NRXN3: variants seen among roughly 807,000 people sequenced by gnomAD.
NRXN3 encodes the protein neurexin III.
A neutral mutation model predicts 137.6 loss-of-function variants in NRXN3; 32 were observed. The ratio of observed to expected loss-of-function variants is 0.23; its 90% CI spans 0.18 to 0.31. NRXN3 has a LOEUF of 0.31. NRXN3 is among the 10% of genes least tolerant of loss of function. NRXN3 has a pLI of 1.00. For synonymous variants in NRXN3, 798 were observed against 784.5 expected, an observed-to-expected ratio of 1.02 and a Z score of -0.29; for missense variants, 1,574 against 2,062.5, an observed-to-expected ratio of 0.76 and a Z score of 4.59.
chr14:79,589,198 T>A (rs1212396141), intron 16 of NRXN3, among the ~76,000 whole-genome samples: 1 of 152,156 alleles, frequency 6.6e-6, no homozygotes. Flanking sequence ...GAGGCTACAG[T>A]GAGCTGTGAT....
chr14:78,465,976 C>T (rs1455130771), intron 4 of NRXN3, among the ~76,000 whole-genome samples: 3 of 151,842 alleles, frequency 2.0e-5, no homozygotes, highest in African/African-American at 4.8e-5. Context: ...CTCAGCCTCC[C>T]GAGTAGCTGG....
In NRXN3 at chr14:79,147,926, A is replaced by G. The variant is rs913554064; in HGVS notation, c.3262+159785A>G. Among the ~76,000 whole-genome samples, 5 of 152,200 alleles carry G rather than the reference A, an allele frequency of 3.3e-5. No individual in the cohort carries two copies. The South Asian group carries it at 1.0e-3, about 32-fold the overall frequency. On this transcript the variant is annotated intron_variant, in intron 15 of 20. Transcript: ENST00000335750. The stretch of plus-strand genomic sequence containing the variant: ...CTCTTGCCACTGCGCTGAAAATGGG[A>G]AAAGTAGGTGGATGGGGAGGTCTTT...
In NRXN3 at chr14:78,363,019, A is replaced by T. The variant is rs567160197; in HGVS notation, c.757+65159A>T. On this transcript the variant is annotated intron_variant, in intron 4 of 20. Coordinates refer to ENST00000335750, the MANE Select transcript of NRXN3 (RefSeq NM_001330195.2). ...TCCTCTTTGTTGATAAAGAAGTAAG[A>T]TCCTATTGTCAATCTGCCAGGCCTC... is the stretch of plus-strand genomic sequence containing the variant. Among the ~76,000 whole-genome samples, 31 of 152,222 alleles carry T rather than the reference A, an allele frequency of 2.0e-4. No individual in the cohort carries two copies. The South Asian group carries it at 6.4e-3, about 32-fold the overall frequency.
At position 79,185,263 on chromosome 14, in the gene NRXN3, G is replaced by A. The variant is rs188177945; in HGVS notation, c.3262+197122G>A. On this transcript the variant is annotated intron_variant, in intron 15 of 20. Transcript: ENST00000335750. ...ATGAAGGGAAGTCACTCCACGCTCT[G>A]AGTTGTCTTCTCTCATCTTCTTCAT... 1.9e-3 allele frequency among the ~76,000 whole-genome samples: 293 copies of A among 152,230 alleles called. 1 individual carries two copies. The highest frequency in any genetic ancestry group is 6.9e-3 in the African/African-American group (285 of 41,528).
intron 10 of NRXN3, among the ~76,000 whole-genome samples, chr14:78,821,966 A>T (rs2098952092): frequency 6.6e-6 from 1 of 152,194 alleles, no homozygotes; most frequent in African/African-American, 2.4e-5. Flanking sequence ...GTACTCAGGT[A>T]CTTATCCATG....
Position 79,792,885 on chromosome 14 carries a change from AT to A in NRXN3, c.4015-12218del, listed in dbSNP as rs567938667. 3.3e-3 allele frequency among the ~76,000 whole-genome samples: 507 copies of A among 151,846 alleles called. 2 individuals carry two copies. The highest frequency in any genetic ancestry group is 0.012 in the African/African-American group (489 of 41,434). On this transcript the variant is annotated intron_variant, in intron 19 of 20. Coordinates refer to ENST00000335750, the MANE Select transcript of NRXN3 (RefSeq NM_001330195.2). ...CTTCTGTGTATAAAAAGGTGTTGTA[AT>A]TTTTTTTTCCAGAAAATTATATGGT...
At chr14:79,099,240 TGA>T (rs945251139) in intron 15 of NRXN3, among the ~76,000 whole-genome samples, 5 of 152,190 alleles carry the variant, frequency 3.3e-5, no homozygotes, top group African/African-American at 1.2e-4. Flanking sequence ...GCTATTTTTT[TGA>T]GATATTTTTT....
At chr14:79,195,166 C>G (rs8011043) in intron 15 of NRXN3, among the ~76,000 whole-genome samples, 1 of 151,982 alleles carries the variant, frequency 6.6e-6, no homozygotes, top group Non-Finnish European at 1.5e-5. Flanking sequence ...GACCCCATGA[C>G]AAGATGCTCC....
chr14:79,407,743 C>T (rs2095341784), intron 15 of NRXN3, among the ~76,000 whole-genome samples: 1 of 152,158 alleles, frequency 6.6e-6, no homozygotes, highest in Non-Finnish European at 1.5e-5. Context: ...TTGGTGAGTA[C>T]TGTCACTTTC....
intron 15 of NRXN3, among the ~76,000 whole-genome samples, chr14:79,332,185 C>T (rs1029228220): frequency 6.6e-6 from 1 of 152,142 alleles, no homozygotes; most frequent in African/African-American, 2.4e-5. Context: ...AATTAAAATG[C>T]CGTTACTTGT....
At chr14:79,577,098 G>T (rs1388046890) in intron 16 of NRXN3, among the ~76,000 whole-genome samples, 5 of 152,042 alleles carry the variant, frequency 3.3e-5, no homozygotes, top group Admixed American at 3.3e-4. Context: ...TTTTATAAAT[G>T]GGGGTTCCCC....
At chr14:79,424,997 C>T (rs1220545774) in intron 15 of NRXN3, among the ~76,000 whole-genome samples, 2 of 152,114 alleles carry the variant, frequency 1.3e-5, no homozygotes, top group African/African-American at 2.4e-5. Flanking sequence ...ATATAGCTTT[C>T]ATGGGAAAAT....
chr14:79,359,217 T>C (rs1191108668), intron 15 of NRXN3, among the ~76,000 whole-genome samples: 1 of 152,220 alleles, frequency 6.6e-6, no homozygotes. Context: ...TAAGTTCTGA[T>C]TGCTTTATAA....
chr14:79,206,413 C>A (rs1043215021), intron 15 of NRXN3, among the ~76,000 whole-genome samples: 3 of 152,178 alleles, frequency 2.0e-5, no homozygotes, highest in Admixed American at 2.0e-4. Context: ...TCTATGTCTG[C>A]CTGTGCCACT....
chr14:78,732,854 A>T (rs2098522933), intron 8 of NRXN3, among the ~76,000 whole-genome samples: 1 of 152,178 alleles, frequency 6.6e-6, no homozygotes, highest in Admixed American at 6.5e-5. Flanking sequence ...GGTTAGTGGG[A>T]TAAGGTTCTC....
chr14:79,061,830 A>T (rs2099674680), intron 15 of NRXN3, among the ~76,000 whole-genome samples: 1 of 152,150 alleles, frequency 6.6e-6, no homozygotes, highest in Admixed American at 6.5e-5. Context: ...CCCATCCCTT[A>T]TGTCGGTGGA....
At chr14:78,587,062 A>T in intron 4 of NRXN3, among the ~76,000 whole-genome samples, 1 of 152,202 alleles carries the variant, frequency 6.6e-6, no homozygotes, top group Admixed American at 6.5e-5. Context: ...GCTTCTCTAA[A>T]GATTCTGTGT....
intron 4 of NRXN3, among the ~76,000 whole-genome samples, chr14:78,477,704 G>A (rs898162806): frequency 1.3e-5 from 2 of 152,096 alleles, no homozygotes; most frequent in African/African-American, 4.8e-5. Flanking sequence ...TGATAAAAAT[G>A]TTTGAATATA....
In NRXN3 at chr14:79,358,663, AAG is replaced by A. The variant is rs767577573; in HGVS notation, c.3263-108556_3263-108555del. Among the ~76,000 whole-genome samples, 229 of 147,654 alleles carry A rather than the reference AAG, an allele frequency of 1.6e-3. 1 individual carries two copies. Among genetic ancestry groups the A allele is most frequent in the Non-Finnish European group, 2.8e-3 (187 of 65,702 alleles). ...AAAGAAAGAAAGAAAGAAAGAAAGA[AAG>A]AAAGTGTCCTAAAAGAAGTGGTGGT... On this transcript the variant is annotated intron_variant, in intron 15 of 20. Coordinates refer to ENST00000335750, the MANE Select transcript of NRXN3 (RefSeq NM_001330195.2).
Sources: gnomAD v4.1 joint callset for allele counts (sites outside exome capture counted in the v4.1 genomes callset) on GRCh38, gnomAD v4.1.1 for gene constraint, MANE v1.5 for transcripts, NCBI Gene and HGNC (gene_info 2026-07-23, HGNC 2026-07-21) for gene names.